Variants in CREM observed in about 807,000 individuals in gnomAD.
CREM encodes the protein cAMP-responsive element modulator.
CREM carries 13 observed loss-of-function variants against 37.3 expected under a neutral mutation model. That is an observed-to-expected ratio of 0.35 (90% CI 0.23 to 0.55). The LOEUF (loss-of-function observed/expected upper bound fraction) is 0.55. Among genes scored for constraint, CREM ranks in the 20% least tolerant of loss-of-function variants. CREM has a pLI of 0.88. For missense variants in CREM, 296 were observed against 362.3 expected (o/e 0.82, Z 1.49); for synonymous variants, 124 against 120.2 (o/e 1.03, Z -0.21).
At chr10:35,182,173 A>T (rs187477019) in intron 5 of CREM, among the ~76,000 whole-genome samples, 2 of 152,326 alleles carry the variant, frequency 1.3e-5, no homozygotes, top group East Asian at 3.9e-4. Context: ...CTTTAATTGG[A>T]GGGTAAACAT....
intron 6 of CREM, chr10:35,201,591 T>C (rs2095386720): frequency 8.5e-6 from 12 of 1,409,480 alleles, no homozygotes; most frequent in East Asian, 2.5e-5. Flanking sequence ...ATGACCAAAA[T>C]TGAGAGTTCT....
intron 2 of CREM, among the ~76,000 whole-genome samples, chr10:35,143,033 C>T (rs2091637059): frequency 6.6e-6 from 1 of 152,314 alleles, no homozygotes; most frequent in South Asian, 2.1e-4. Flanking sequence ...AGCAATGGCA[C>T]AATCTTGGCT....
chr10:35,151,014 G>GT (rs2092562703), intron 3 of CREM, among the ~76,000 whole-genome samples: 1 of 152,190 alleles, frequency 6.6e-6, no homozygotes, highest in Non-Finnish European at 1.5e-5. Context: ...TATAGAATAA[G>GT]TAAGAGGAGG....
At chr10:35,137,094 G>A (rs1157011374) in intron 1 of CREM, among the ~76,000 whole-genome samples, 3 of 152,146 alleles carry the variant, frequency 2.0e-5, no homozygotes, top group African/African-American at 7.2e-5. Context: ...GATTACAGGT[G>A]TGAGCCACCA....
chr10:35,164,146 T>A (rs987085763), intron 3 of CREM, among the ~76,000 whole-genome samples: 1 of 152,228 alleles, frequency 6.6e-6, no homozygotes, highest in Non-Finnish European at 1.5e-5. Context: ...GACTAATCAT[T>A]TGACCTTTGC....
intron 6 of CREM, among the ~76,000 whole-genome samples, chr10:35,206,665 A>C (rs1396843345): frequency 2.0e-5 from 3 of 152,342 alleles, no homozygotes; most frequent in South Asian, 4.1e-4. Flanking sequence ...AAAATGCATT[A>C]GGATGCTTTT....
At chr10:35,151,223 CTTCT>C (rs2092578270) in intron 3 of CREM, among the ~76,000 whole-genome samples, 1 of 152,146 alleles carries the variant, frequency 6.6e-6, no homozygotes, top group African/African-American at 2.4e-5. Context: ...GTTTGTAATG[CTTCT>C]TTAAAAATCT....
At chr10:35,171,119 G>C (rs189183211) in intron 3 of CREM, 1 of 150,108 alleles carries the variant, frequency 6.7e-6, no homozygotes. Flanking sequence ...TTATGTTAGC[G>C]GGTACAAGTT....
chr10:35,198,548 A>G (rs1031166769), intron 6 of CREM, among the ~76,000 whole-genome samples: 4 of 151,932 alleles, frequency 2.6e-5, no homozygotes, highest in East Asian at 1.9e-4. Flanking sequence ...GTAAATGACT[A>G]TAGTTTATGG....
intron 6 of CREM, among the ~76,000 whole-genome samples, chr10:35,204,133 T>C (rs2095459466): frequency 6.6e-6 from 1 of 152,236 alleles, no homozygotes. Flanking sequence ...ACGATGAAGA[T>C]ATGTTAAACA....
At chr10:35,173,588 T>G (rs2093920644) in intron 3 of CREM, among the ~76,000 whole-genome samples, 1 of 152,250 alleles carries the variant, frequency 6.6e-6, no homozygotes, top group Admixed American at 6.5e-5. Flanking sequence ...TCTGTTTTAA[T>G]TTCCAGTATG....
At chr10:35,147,704 T>A (rs2092279928) in intron 2 of CREM, among the ~76,000 whole-genome samples, 1 of 152,238 alleles carries the variant, frequency 6.6e-6, no homozygotes, top group Non-Finnish European at 1.5e-5. Context: ...ATACTTTTCA[T>A]GTAAAATAGA....
chr10:35,148,346 T>G, intron 2 of CREM, 22 bp from the exon 3 acceptor site: 1 of 1,600,612 alleles, frequency 6.2e-7, no homozygotes, highest in Non-Finnish European at 8.5e-7. Flanking sequence ...TTAATTTGTC[T>G]TCCTTTTTAT....
intron 3 of CREM, among the ~76,000 whole-genome samples, chr10:35,160,425 A>G (rs2093218001): frequency 1.3e-5 from 2 of 151,850 alleles, no homozygotes; most frequent in Admixed American, 6.6e-5. Flanking sequence ...TTTTAATAGA[A>G]TTTTGTTCTT....
At chr10:35,185,452 C>A (rs1369199752) in intron 5 of CREM, among the ~76,000 whole-genome samples, 1 of 152,110 alleles carries the variant, frequency 6.6e-6, no homozygotes, top group East Asian at 1.9e-4. Context: ...TTGGGCTGCT[C>A]TTTCTAAAGC....
intron 1 of CREM, among the ~76,000 whole-genome samples, chr10:35,136,313 G>T (rs903506455): frequency 6.6e-6 from 1 of 152,100 alleles, no homozygotes; most frequent in African/African-American, 2.4e-5. Flanking sequence ...ATCTGCCCCC[G>T]CCTTTAGATT....
chr10:35,144,209 G>A (rs11597746), intron 2 of CREM, among the ~76,000 whole-genome samples: 20,634 of 152,162 alleles, frequency 0.14, 1,587 homozygotes, highest in South Asian at 0.2. Flanking sequence ...GTAAGGAGGA[G>A]GAGTTGGGAT....
At chr10:35,211,224 C>T (rs1425168556) in intron 7 of CREM, 30 bp from the exon 8 acceptor site, 1 of 1,605,840 alleles carries the variant, frequency 6.2e-7, no homozygotes, top group South Asian at 1.1e-5. Flanking sequence ...AAGGCTGTTC[C>T]TGTAGTCATT....
intron 3 of CREM, among the ~76,000 whole-genome samples, chr10:35,153,199 A>C (rs1200651158): frequency 6.6e-6 from 1 of 152,180 alleles, no homozygotes; most frequent in Non-Finnish European, 1.5e-5. Flanking sequence ...CACTGTGATC[A>C]TGCCTATGAA....
Sources: gnomAD v4.1 joint callset for allele counts (sites outside exome capture counted in the v4.1 genomes callset) on GRCh38, gnomAD v4.1.1 for gene constraint, MANE v1.5 for transcripts, NCBI Gene and HGNC (gene_info 2026-07-23, HGNC 2026-07-21) for gene names.